The following NELL1 variants were observed in gnomAD, a reference collection of about 807,000 sequenced individuals.
NELL1 encodes the protein protein kinase C-binding protein NELL1.
NELL1 carries 76 observed loss-of-function variants against 107.4 expected under a neutral mutation model. The ratio of observed to expected loss-of-function variants is 0.71; its 90% CI spans 0.59 to 0.86. NELL1 has a LOEUF of 0.86. Among genes scored for constraint, NELL1 ranks in the 40% least tolerant of loss-of-function variants. The pLI, the probability that NELL1 is intolerant of heterozygous loss-of-function variation, is 0.00. For synonymous variants in NELL1, 353 were observed against 341.2 expected, an observed-to-expected ratio of 1.03 and a Z score of -0.38; for missense variants, 1,024 against 1,005.5, an observed-to-expected ratio of 1.02 and a Z score of -0.25.
chr11:20,899,037 G>A (rs1344297013), intron 5 of NELL1, among the ~76,000 whole-genome samples: 1 of 152,032 alleles, frequency 6.6e-6, no homozygotes, highest in Admixed American at 6.6e-5. Flanking sequence ...GGATACATTT[G>A]CCATCATACT....
At chr11:21,248,309 G>T (rs1205299281) in intron 14 of NELL1, among the ~76,000 whole-genome samples, 3 of 151,042 alleles carry the variant, frequency 2.0e-5, no homozygotes, top group Non-Finnish European at 4.4e-5. Flanking sequence ...TCATGCCACT[G>T]CACTCCAGCC....
chr11:20,682,942 G>T (rs992367313), intron 2 of NELL1, among the ~76,000 whole-genome samples: 1 of 152,052 alleles, frequency 6.6e-6, no homozygotes, highest in Non-Finnish European at 1.5e-5. Flanking sequence ...GCAATATATA[G>T]TTGGAGGCTA....
chr11:20,872,452 C>A (rs7951960), intron 4 of NELL1, among the ~76,000 whole-genome samples: 128,905 of 152,108 alleles, frequency 0.85, 54,660 homozygotes, highest in East Asian at 0.95. Flanking sequence ...AAGTGCTGGG[C>A]TTACAGGTAT....
At chr11:20,798,710 T>C (rs1003744672) in intron 3 of NELL1, among the ~76,000 whole-genome samples, 2 of 152,198 alleles carry the variant, frequency 1.3e-5, no homozygotes, top group East Asian at 1.9e-4. Context: ...GGTGGTGCAA[T>C]GACAGTGATT....
intron 3 of NELL1, among the ~76,000 whole-genome samples, chr11:20,789,189 G>C (rs771207230): frequency 6.6e-6 from 1 of 152,186 alleles, no homozygotes; most frequent in Non-Finnish European, 1.5e-5. Context: ...GGCCTGGCAG[G>C]CTGCACTCAG....
intron 2 of NELL1, among the ~76,000 whole-genome samples, chr11:20,763,806 A>C (rs77287683): frequency 1.2e-3 from 184 of 152,320 alleles, no homozygotes; most frequent in African/African-American, 4.2e-3. Flanking sequence ...GGGGCTGGGA[A>C]GAACCTGGAA....
intron 5 of NELL1, among the ~76,000 whole-genome samples, chr11:20,905,437 T>C (rs1442108913): frequency 1.3e-5 from 2 of 152,124 alleles, no homozygotes; most frequent in Admixed American, 1.3e-4. Flanking sequence ...ATAGAAACTA[T>C]TCCTGAGGAA....
rs2134013516 is a variant in NELL1, at chr11:21,570,860, C to G, written c.2077C>G (p.Gln693Glu). ...AGAATGTGACACCAGAGTCACAAGT[C>G]AATGTTTAGACCAAAATGGTCACAA... ...CPECDTRVTS[Q>E]CLDQNGHKLY... Residue 693 changes from glutamine to glutamate, a missense_variant, in exon 18 of 20, where the codon CAA becomes GAA. Coordinates refer to ENST00000357134, the MANE Select transcript of NELL1 (RefSeq NM_006157.5). 1 of 1,611,952 alleles carries G rather than the reference C, an allele frequency of 6.2e-7. No homozygotes were observed. Among genetic ancestry groups the G allele is most frequent in the East Asian group, 2.2e-5 (1 of 44,740 alleles).
At chr11:21,368,946 C>A (rs538749182) in intron 14 of NELL1, among the ~76,000 whole-genome samples, 43 of 152,128 alleles carry the variant, frequency 2.8e-4, no homozygotes, top group Non-Finnish European at 6.0e-4. Flanking sequence ...CTAATATCTG[C>A]ACATCCTTAG....
At chr11:21,481,811 GA>G (rs1854499723) in intron 15 of NELL1, among the ~76,000 whole-genome samples, 1 of 152,124 alleles carries the variant, frequency 6.6e-6, no homozygotes, top group South Asian at 2.1e-4. Flanking sequence ...ACAAGTATCT[GA>G]AAAAAAGAAC....
chr11:21,092,594 G>T (rs1854547291), intron 12 of NELL1, among the ~76,000 whole-genome samples: 1 of 152,104 alleles, frequency 6.6e-6, no homozygotes, highest in South Asian at 2.1e-4. Context: ...AGGCCCATCT[G>T]CATTTTAGGT....
chr11:20,888,986 A>C (rs979512888), intron 5 of NELL1, among the ~76,000 whole-genome samples: 1 of 152,196 alleles, frequency 6.6e-6, no homozygotes, highest in African/African-American at 2.4e-5. Context: ...TTGCTTGATC[A>C]CATTTGCTAA....
intron 13 of NELL1, among the ~76,000 whole-genome samples, chr11:21,120,447 C>T (rs1386542733): frequency 8.6e-5 from 13 of 151,992 alleles, no homozygotes; most frequent in South Asian, 2.1e-4. Flanking sequence ...CAGAACATTC[C>T]GCAACCTGAT....
chr11:21,067,235 A>G (rs191595332), intron 12 of NELL1, among the ~76,000 whole-genome samples: 56 of 152,336 alleles, frequency 3.7e-4, no homozygotes, highest in Non-Finnish European at 7.1e-4. Context: ...ACTTTTAAAC[A>G]TAAGAGTTCC....
chr11:20,999,256 A>G (rs1027211888), intron 12 of NELL1, among the ~76,000 whole-genome samples: 6 of 152,152 alleles, frequency 3.9e-5, no homozygotes, highest in Non-Finnish European at 5.9e-5. Flanking sequence ...TGTTTGCCAC[A>G]TTGCCCATCA....
chr11:21,494,602 C>A (rs796315030), intron 15 of NELL1, among the ~76,000 whole-genome samples: 12 of 151,884 alleles, frequency 7.9e-5, no homozygotes, highest in African/African-American at 2.7e-4. Context: ...ATGTGCGTGA[C>A]TCAGCAACTT....
At chr11:21,113,464 T>C in intron 12 of NELL1, 125 bp from the exon 13 acceptor site, 1 of 922,318 alleles carries the variant, frequency 1.1e-6, no homozygotes, top group East Asian at 2.6e-5. Flanking sequence ...CTTTTGTGTT[T>C]AATGCATGTT....
intron 15 of NELL1, among the ~76,000 whole-genome samples, chr11:21,434,660 C>T (rs1424703654): frequency 1.3e-5 from 2 of 152,054 alleles, no homozygotes. Flanking sequence ...CTCAGCATTG[C>T]TTTGACTATT....
Position 21,229,454 on chromosome 11 carries a change from G to A in NELL1, c.1549G>A (p.Ala517Thr). Reference protein sequence around the residue: ...GYVGNGTICRAFCEEGCRYGG... With the variant: ...GYVGNGTICRTFCEEGCRYGG... ...CGTGGGGAACGGGACCATCTGCAGA[G>A]GTAGGCTTGCCGCCTTAGTGTTGAG... is the stretch of plus-strand genomic sequence containing the variant. Residue 517 changes from alanine to threonine, a missense_variant and splice_region_variant, in exon 14 of 20, where the codon GCT (alanine) becomes ACT (threonine). Coordinates refer to ENST00000357134, the MANE Select transcript of NELL1 (RefSeq NM_006157.5). 6.2e-7 allele frequency: 1 copy of A among 1,613,722 alleles called. No homozygotes were observed. Among genetic ancestry groups the A allele is most frequent in the Non-Finnish European group, 8.5e-7 (1 of 1,179,796 alleles).
Sources: allele counts gnomAD v4.1 joint callset (sites outside exome capture counted in the v4.1 genomes callset), GRCh38; gene constraint gnomAD v4.1.1; transcripts MANE v1.5; gene names NCBI Gene and HGNC (gene_info 2026-07-23, HGNC 2026-07-21).